Variants in MDGA2 observed in about 807,000 individuals in gnomAD.
The protein encoded by MDGA2 is MAM domain-containing glycosylphosphatidylinositol anchor protein 2.
In MDGA2, 40 loss-of-function variants were observed where a neutral mutation model predicts 117.8. The ratio of observed to expected loss-of-function variants is 0.34; its 90% CI spans 0.26 to 0.44. The LOEUF (loss-of-function observed/expected upper bound fraction) is 0.44. Among genes scored for constraint, MDGA2 ranks in the 20% least tolerant of loss-of-function variants. MDGA2 has a pLI of 1.00. For missense variants in MDGA2, 1,123 were observed against 1,250.6 expected (o/e 0.90, Z 1.54); for synonymous variants, 452 against 439.0 (o/e 1.03, Z -0.37).
rs765786987 is a variant in MDGA2 at position 47,529,591 on chromosome 14, CTCTT to C, written c.280+144922_280+144925del. Among the ~76,000 whole-genome samples, 17 of 152,150 alleles carry C rather than the reference CTCTT, an allele frequency of 1.1e-4. 1 individual carries two copies. Among genetic ancestry groups the C allele is most frequent in the South Asian group, 1.0e-3 (5 of 4,824 alleles). On this transcript the variant is annotated intron_variant, in intron 1 of 16. Transcript: ENST00000399232. ...CTTGTAAAGGTAAAATTAAAAATCTCTCTTTCTAATTTTTTTTAAACATTCTTAG... is the reference window on the plus strand; with the variant it reads ...CTTGTAAAGGTAAAATTAAAAATCTCTCTAATTTTTTTTAAACATTCTTAG...
intron 1 of MDGA2, among the ~76,000 whole-genome samples, chr14:47,650,375 T>C (rs557530907): frequency 6.6e-6 from 1 of 152,310 alleles, no homozygotes; most frequent in South Asian, 2.1e-4. Flanking sequence ...ATTGTTTCTT[T>C]CAACATCTTT....
intron 1 of MDGA2, among the ~76,000 whole-genome samples, chr14:47,619,031 T>C (rs993637408): frequency 2.6e-5 from 4 of 151,912 alleles, no homozygotes; most frequent in Non-Finnish European, 2.9e-5. Context: ...ATCAAGGTTT[T>C]GATACACAGC....
intron 1 of MDGA2, chr14:47,342,877 CGT>C: frequency 2.6e-6 from 1 of 387,524 alleles, no homozygotes; most frequent in Non-Finnish European, 5.1e-6. Context: ...GGCTAGGTTC[CGT>C]GTGGGGGAAA....
downstream of MDGA2, among the ~76,000 whole-genome samples, chr14:46,839,867 A>G (rs1414404702): frequency 1.3e-5 from 2 of 151,994 alleles, no homozygotes; most frequent in Non-Finnish European, 2.9e-5. Flanking sequence ...ATTAAATTCC[A>G]GGTTCATATA....
At chr14:47,404,446 A>G (rs1272025461) in intron 1 of MDGA2, among the ~76,000 whole-genome samples, 1 of 151,890 alleles carries the variant, frequency 6.6e-6, no homozygotes, top group African/African-American at 2.4e-5. Flanking sequence ...TTGGGCTCCC[A>G]AAGTGCTGGG....
At chr14:47,006,364 A>G (rs560317203) in intron 8 of MDGA2, among the ~76,000 whole-genome samples, 32 of 147,944 alleles carry the variant, frequency 2.2e-4, no homozygotes, top group African/African-American at 7.6e-4. Context: ...GTTCACTACA[A>G]CATATATTAA....
At chr14:47,101,123 AGACAGAT>A (rs1566624364) in intron 5 of MDGA2, among the ~76,000 whole-genome samples, 29 of 50,142 alleles carry the variant, frequency 5.8e-4, no homozygotes, top group Non-Finnish European at 1.2e-3. Flanking sequence ...ATAGATAGAT[AGACAGAT>A]AGATAGAAAG....
intron 16 of MDGA2, among the ~76,000 whole-genome samples, chr14:46,844,951 G>A (rs963916908): frequency 5.3e-5 from 8 of 152,080 alleles, no homozygotes; most frequent in African/African-American, 1.7e-4. Context: ...GCGTGATCTT[G>A]GCTCACTGCA....
At chr14:46,977,789 A>C (rs1886522237) in intron 8 of MDGA2, among the ~76,000 whole-genome samples, 1 of 151,866 alleles carries the variant, frequency 6.6e-6, no homozygotes, top group Non-Finnish European at 1.5e-5. Flanking sequence ...GAATTTTTTC[A>C]CAACAGCAGA....
chr14:47,215,910 A>C (rs533113398), intron 3 of MDGA2, among the ~76,000 whole-genome samples: 1 of 152,188 alleles, frequency 6.6e-6, no homozygotes, highest in Admixed American at 6.6e-5. Flanking sequence ...TCGAGGTTGC[A>C]TGAGAAAACC....
At chr14:46,849,146 A>T (rs28578345) in intron 15 of MDGA2, among the ~76,000 whole-genome samples, 3,481 of 152,068 alleles carry the variant, frequency 0.023, 139 homozygotes, top group African/African-American at 0.079. Context: ...AACTCTTAGT[A>T]CAGTCATAAT....
At chr14:47,337,629 A>G (rs1380410531) in intron 1 of MDGA2, among the ~76,000 whole-genome samples, 1 of 152,096 alleles carries the variant, frequency 6.6e-6, no homozygotes, top group African/African-American at 2.4e-5. Context: ...AGCTGTAAAA[A>G]TAAAATCAAA....
intron 3 of MDGA2, among the ~76,000 whole-genome samples, chr14:47,196,613 A>G (rs1480979480): frequency 6.6e-6 from 1 of 152,208 alleles, no homozygotes; most frequent in Non-Finnish European, 1.5e-5. Context: ...AATTATTTTC[A>G]TTATTTAAAA....
At chr14:47,379,843 A>G (rs1439982299) in intron 1 of MDGA2, among the ~76,000 whole-genome samples, 1 of 152,134 alleles carries the variant, frequency 6.6e-6, no homozygotes, top group Non-Finnish European at 1.5e-5. Context: ...GATATCCAGG[A>G]ACTGAACTCA....
At chr14:47,424,522 T>C (rs1310919069) in intron 1 of MDGA2, among the ~76,000 whole-genome samples, 3 of 152,188 alleles carry the variant, frequency 2.0e-5, no homozygotes, top group Non-Finnish European at 4.4e-5. Flanking sequence ...GTCAGAACTA[T>C]ATCCCTTATA....
intron 1 of MDGA2, among the ~76,000 whole-genome samples, chr14:47,644,325 A>G (rs1897484601): frequency 6.6e-6 from 1 of 152,246 alleles, no homozygotes; most frequent in Non-Finnish European, 1.5e-5. Context: ...CTAAGTGTCC[A>G]TGGATGGACA....
At chr14:47,643,894 A>G (rs1328195978) in intron 1 of MDGA2, among the ~76,000 whole-genome samples, 3 of 152,158 alleles carry the variant, frequency 2.0e-5, no homozygotes, top group Non-Finnish European at 4.4e-5. Context: ...AAAATACAGT[A>G]AAAGCTAAAA....
intron 5 of MDGA2, among the ~76,000 whole-genome samples, chr14:47,127,605 G>A (rs1341515575): frequency 6.6e-6 from 1 of 151,962 alleles, no homozygotes; most frequent in Non-Finnish European, 1.5e-5. Flanking sequence ...ATTTTGCAGT[G>A]AACATCAATC....
rs369474516 is a variant in MDGA2 at position 47,604,494 on chromosome 14, C to CG, written c.280+70022_280+70023insC. Among the ~76,000 whole-genome samples, 1,215 of 130,904 alleles carry CG rather than the reference C, an allele frequency of 9.3e-3. 13 individuals carry two copies. The highest frequency in any genetic ancestry group is 0.03 in the Middle Eastern group (8 of 268). 85.9% of individuals were successfully genotyped at this position (130,904 alleles called of 152,430 possible). ...ACCATTCACAGCTTCCCCACCCCCC[C>CG]CCACCCTCACCCCCCTATAAAGACA... On this transcript the variant is annotated intron_variant, in intron 1 of 16. Coordinates refer to ENST00000399232, the MANE Select transcript of MDGA2 (RefSeq NM_001113498.3).
Sources: gnomAD v4.1 joint callset for allele counts (sites outside exome capture counted in the v4.1 genomes callset) on GRCh38, gnomAD v4.1.1 for gene constraint, MANE v1.5 for transcripts, NCBI Gene and HGNC (gene_info 2026-07-23, HGNC 2026-07-21) for gene names.